The following DAP variants were observed in gnomAD, a reference collection of about 807,000 sequenced individuals.
The protein encoded by DAP is death associated protein, also known as death-associated protein 1.
Under a neutral mutation model 13.8 loss-of-function variants are expected in DAP, and 8 were observed. That is an observed-to-expected ratio of 0.58 (90% confidence interval 0.34 to 1.05). DAP has a LOEUF of 1.05. DAP is among the 50% of genes least tolerant of loss of function. The probability of loss-of-function intolerance (pLI) is 0.03; values close to 1 mark genes in which losing one functional copy is unlikely to be tolerated. For synonymous variants in DAP, 47 were observed against 47.5 expected, an observed-to-expected ratio of 0.99 and a Z score of 0.04; for missense variants, 106 against 133.2, an observed-to-expected ratio of 0.80 and a Z score of 1.01.
At chr5:10,735,239 A>G (rs1739578744) in intron 2 of DAP, among the ~76,000 whole-genome samples, 1 of 152,248 alleles carries the variant, frequency 6.6e-6, no homozygotes, top group Admixed American at 6.5e-5. Context: ...ACAAGTGAAC[A>G]TAAGCAAAGG....
In DAP at chr5:10,707,515, T is replaced by C. The variant is rs984440899; in HGVS notation, c.153-23944A>G. Among the ~76,000 whole-genome samples, 18 of 150,284 alleles carry C rather than the reference T, an allele frequency of 1.2e-4. No homozygotes were observed. Among genetic ancestry groups the C allele is most frequent in the African/African-American group, 3.7e-4 (15 of 40,672 alleles). ...TGTGGTGCACAGGCAGTGTGATGCA[T>C]AGGTGGTGTGATGCATGGGTGCTGT... is the stretch of plus-strand genomic sequence containing the variant. On this transcript the variant is annotated intron_variant, in intron 2 of 3. Coordinates refer to ENST00000230895, the MANE Select transcript of DAP (RefSeq NM_004394.3). The surrounding 1 kb of genome is among the most constrained non-coding windows in gnomAD (Gnocchi z 4.0).
intron 2 of DAP, among the ~76,000 whole-genome samples, chr5:10,705,672 T>A (rs1327156832): frequency 2.3e-4 from 35 of 152,256 alleles, no homozygotes; most frequent in Admixed American, 2.3e-3. Context: ...AGATGCTCTC[T>A]GCCCTCCTGC....
At chr5:10,733,155 CGTGTGTGTGTGTGTGTGTGTGTGTGT>C (rs55645932) in intron 2 of DAP, among the ~76,000 whole-genome samples, 34 of 128,482 alleles carry the variant, frequency 2.6e-4, no homozygotes, top group African/African-American at 7.7e-4. Flanking sequence ...AATATTCCTG[CGTGTGTGTGTGTGTGTGTGTGTGTGT>C]GTGTGTGTGT....
At chr5:10,696,888 C>G (rs1198317031) in intron 2 of DAP, among the ~76,000 whole-genome samples, 2 of 152,120 alleles carry the variant, frequency 1.3e-5, no homozygotes, top group Non-Finnish European at 2.9e-5. Context: ...CCCCCAGCAC[C>G]AAAGAGTGGG....
chr5:10,686,975 CTTTAA>C (rs1456899356), intron 2 of DAP, among the ~76,000 whole-genome samples: 3 of 152,344 alleles, frequency 2.0e-5, no homozygotes, highest in Admixed American at 2.0e-4. Flanking sequence ...CAGCTGATGA[CTTTAA>C]TTTGAAGCCA....
At position 10,679,978 on chromosome 5, in the gene DAP, C is replaced by A. The variant is rs949308781; in HGVS notation, c.*1078G>T. The A allele has an allele frequency of 3.3e-5, 5 of 152,412 alleles. No homozygotes were observed. The highest frequency in any genetic ancestry group is 2.0e-4 in the Admixed American group (3 of 15,292). 9.4% of individuals were successfully genotyped at this position (152,412 alleles called of 1,614,324 possible). ...ACGCAGGGTACCCTACTGCCACCAG[C>A]CAGTGAGCAGACTAGGACATCTCTA... is the stretch of plus-strand genomic sequence containing the variant. On this transcript the variant is annotated 3_prime_UTR_variant, in exon 4 of 4. Coordinates refer to ENST00000230895, the MANE Select transcript of DAP (RefSeq NM_004394.3).
In DAP at chr5:10,680,520, C is replaced by G. The variant is rs933899359; in HGVS notation, c.*536G>C. 6.7e-6 allele frequency: 4 copies of G among 595,670 alleles called. No homozygotes were observed. In the South Asian group the frequency reaches 8.6e-5, roughly 13 times the overall value. The allele number at this position is 595,670 out of a possible 1,614,324, so 36.9% of individuals were successfully genotyped here. A position where few individuals can be genotyped will look rare whatever the true frequency, so the allele number is the denominator to read the frequency against. On this transcript the variant is annotated 3_prime_UTR_variant, in exon 4 of 4. Coordinates refer to ENST00000230895, the MANE Select transcript of DAP (RefSeq NM_004394.3). The stretch of plus-strand genomic sequence containing the variant: ...CTCATGGGTGCCTCATCAGCCTGCA[C>G]AGGATCCCCCATCTCACGAGAGAGG...
intron 2 of DAP, among the ~76,000 whole-genome samples, chr5:10,704,274 G>A (rs1738648302): frequency 6.6e-6 from 1 of 152,198 alleles, no homozygotes; most frequent in Non-Finnish European, 1.5e-5. Flanking sequence ...ACAGCAAAAT[G>A]TATGGATATT....
At chr5:10,731,883 G>C (rs1267310954) in intron 2 of DAP, among the ~76,000 whole-genome samples, 1 of 152,216 alleles carries the variant, frequency 6.6e-6, no homozygotes, top group Non-Finnish European at 1.5e-5. Context: ...AGCTGCTCTA[G>C]GAGGAGGGCA....
Position 10,739,672 on chromosome 5 carries a change from A to G in DAP, c.152+8503T>C, listed in dbSNP as rs576546768. On this transcript the variant is annotated intron_variant, in intron 2 of 3. Transcript: ENST00000230895. Reference sequence around the variant, plus strand: ...CCAGGCATTCATATCCTAAGCCACTACAAGTGGGAAGGTTATAATCCTACC... The same window carrying G: ...CCAGGCATTCATATCCTAAGCCACTGCAAGTGGGAAGGTTATAATCCTACC... Among the ~76,000 whole-genome samples the G allele has an allele frequency of 2.6e-5, 4 of 152,288 alleles. No individual in the cohort carries two copies. The East Asian group carries it at 7.7e-4, about 29-fold the overall frequency.
Position 10,690,886 on chromosome 5 carries a change from T to C in DAP, c.153-7315A>G, listed in dbSNP as rs5745268. 4.5e-3 allele frequency among the ~76,000 whole-genome samples: 680 copies of C among 152,358 alleles called. 2 individuals carry two copies. The highest frequency in any genetic ancestry group is 0.01 in the Middle Eastern group (3 of 294). On this transcript the variant is annotated intron_variant, in intron 2 of 3. Coordinates refer to ENST00000230895, the MANE Select transcript of DAP (RefSeq NM_004394.3). ...GTTTTCCACAGCGGCTGTTCCATTT[T>C]AGATTCCCACCAGCAACGCACATGG...
chr5:10,719,413 G>T (rs1172160830), intron 2 of DAP, among the ~76,000 whole-genome samples: 1 of 152,210 alleles, frequency 6.6e-6, no homozygotes, highest in African/African-American at 2.4e-5. Flanking sequence ...GTGCTGTTTG[G>T]AGCCTACAGC....
At chr5:10,683,490 C>T in intron 3 of DAP, 39 bp downstream of exon 3, 1 of 1,605,906 alleles carries the variant, frequency 6.2e-7, no homozygotes, top group Non-Finnish European at 8.5e-7. Flanking sequence ...TGCTGCCATG[C>T]AAAAGCCTCA....
chr5:10,729,395 G>A (rs566561428), intron 2 of DAP, among the ~76,000 whole-genome samples: 2 of 152,096 alleles, frequency 1.3e-5, no homozygotes, highest in African/African-American at 4.8e-5. Context: ...TACCTCCCAC[G>A]ATGCTCCCCC....
chr5:10,760,058 A>G (rs1740300991), intron 1 of DAP, among the ~76,000 whole-genome samples: 1 of 152,146 alleles, frequency 6.6e-6, no homozygotes, highest in Non-Finnish European at 1.5e-5. Flanking sequence ...CCTGGCCAGG[A>G]ATCTTTATTG....
intron 2 of DAP, among the ~76,000 whole-genome samples, chr5:10,730,423 A>G (rs1012483266): frequency 3.3e-5 from 5 of 152,042 alleles, no homozygotes; most frequent in South Asian, 2.1e-4. Context: ...GTGGGGGGGA[A>G]TCTTTCTCTA....
chr5:10,733,939 T>C (rs1739538055), intron 2 of DAP: 1 of 152,258 alleles, frequency 6.6e-6, no homozygotes, highest in Non-Finnish European at 1.5e-5. Context: ...GTCATTTTAA[T>C]GTAATAAACT....
chr5:10,731,633 C>A (rs1244585137), intron 2 of DAP, among the ~76,000 whole-genome samples: 1 of 152,232 alleles, frequency 6.6e-6, no homozygotes, highest in Non-Finnish European at 1.5e-5. Flanking sequence ...TTGTGCCTGA[C>A]TTCCCAACCT....
At chr5:10,746,169 T>C (rs551898589) in intron 2 of DAP, among the ~76,000 whole-genome samples, 1 of 152,178 alleles carries the variant, frequency 6.6e-6, no homozygotes, top group Non-Finnish European at 1.5e-5. Context: ...AAAGCAGTAA[T>C]ATCCTCCTAG....
Sources: allele counts gnomAD v4.1 joint callset (sites outside exome capture counted in the v4.1 genomes callset), GRCh38; gene constraint gnomAD v4.1.1; non-coding constraint Gnocchi (gnomAD v3.1); transcripts MANE v1.5; gene names NCBI Gene and HGNC (gene_info 2026-07-23, HGNC 2026-07-21).